The following SUPT20H variants were observed in gnomAD, a reference collection of about 807,000 sequenced individuals.
SUPT20H encodes transcription factor SPT20 homolog.
In SUPT20H, 82 loss-of-function variants were observed where a neutral mutation model predicts 122.8. The ratio of observed to expected loss-of-function variants is 0.67; its 90% CI spans 0.56 to 0.80. The LOEUF is 0.80. SUPT20H is among the 30% of genes least tolerant of loss of function. SUPT20H has a pLI of 0.00. For missense variants in SUPT20H, 831 were observed against 921.6 expected, an observed-to-expected ratio of 0.90 and a Z score of 1.27; for synonymous variants, 291 against 313.0, an observed-to-expected ratio of 0.93 and a Z score of 0.74.
intron 23 of SUPT20H, chr13:37,013,214 T>A (rs1040644588): frequency 1.3e-5 from 2 of 152,042 alleles, no homozygotes; most frequent in African/African-American, 4.8e-5. Context: ...GACACTACAA[T>A]GAACAAGACA....
At chr13:37,040,189 A>G in intron 9 of SUPT20H, 1 of 435,456 alleles carries the variant, frequency 2.3e-6, no homozygotes, top group Middle Eastern at 6.1e-4. Context: ...ATATTAGGCC[A>G]GCTTGACCTT....
chr13:37,019,714 A>G (rs2061165388), intron 21 of SUPT20H, among the ~76,000 whole-genome samples: 1 of 152,208 alleles, frequency 6.6e-6, no homozygotes, highest in Admixed American at 6.5e-5. Context: ...GAATATAACA[A>G]AACTATCACT....
chr13:37,024,915 T>C (rs561446335), intron 17 of SUPT20H: 2 of 175,926 alleles, frequency 1.1e-5, no homozygotes, highest in African/African-American at 4.8e-5. Context: ...GAAACAAAAC[T>C]AAACTGTACC....
chr13:37,035,816 C>G (rs1279724696), intron 9 of SUPT20H, among the ~76,000 whole-genome samples: 1 of 152,176 alleles, frequency 6.6e-6, no homozygotes, highest in African/African-American at 2.4e-5. Context: ...CAGGCACAAG[C>G]CATGGCACCT....
At chr13:37,058,959 A>C (rs2069929979) in intron 1 of SUPT20H, among the ~76,000 whole-genome samples, 1 of 152,134 alleles carries the variant, frequency 6.6e-6, no homozygotes, top group African/African-American at 2.4e-5. Context: ...CCTACTAGAG[A>C]CTTTGATGAA....
intron 9 of SUPT20H, among the ~76,000 whole-genome samples, chr13:37,036,069 C>T (rs1265738272): frequency 6.6e-6 from 1 of 152,180 alleles, no homozygotes; most frequent in African/African-American, 2.4e-5. Context: ...TTTCAAAAAA[C>T]TGCCACTGCC....
intron 14 of SUPT20H, among the ~76,000 whole-genome samples, chr13:37,027,719 AG>A (rs1055198398): frequency 5.9e-5 from 9 of 152,168 alleles, no homozygotes; most frequent in African/African-American, 2.2e-4. Flanking sequence ...ATTAATATGT[AG>A]GGCCAATAAC....
chr13:37,013,309 C>A (rs1195114698), intron 23 of SUPT20H: 1 of 152,010 alleles, frequency 6.6e-6, no homozygotes, highest in East Asian at 1.9e-4. Flanking sequence ...ATAGACCCAA[C>A]TGACTTTTAA....
At position 37,047,729 on chromosome 13, in the gene SUPT20H, G is replaced by A; in HGVS notation, c.99-128C>T. 11 of 1,193,430 alleles carry A rather than the reference G, an allele frequency of 9.2e-6. No homozygotes were observed. In the South Asian group the frequency reaches 2.1e-4, roughly 22 times the overall value. The allele number at this position is 1,193,430 out of a possible 1,614,324, so 73.9% of individuals were successfully genotyped here. A position where few individuals can be genotyped will look rare whatever the true frequency, so the allele number is the denominator to read the frequency against. On this transcript the variant is annotated intron_variant, in intron 4 of 25. Coordinates refer to ENST00000350612, the MANE Select transcript of SUPT20H (RefSeq NM_001014286.3). ...ATTTCCCAAAAACTGGGGTGGAGCT[G>A]AATATAGTAGCTAACATCAACTTAG...
chr13:37,039,170 A>G (rs530221826), intron 9 of SUPT20H: 1 of 152,328 alleles, frequency 6.6e-6, no homozygotes, highest in Admixed American at 6.5e-5. Flanking sequence ...AGGCCTCTCA[A>G]CTGGTTCAGC....
chr13:37,022,656 T>A lies in SUPT20H; in HGVS notation c.1592-576A>T. The A allele has an allele frequency of 9.8e-7, 1 of 1,019,612 alleles. No homozygotes were observed. Among genetic ancestry groups the A allele is most frequent in the Non-Finnish European group, 1.2e-6 (1 of 852,000 alleles). The allele number at this position is 1,019,612 out of a possible 1,614,324, so 63.2% of individuals were successfully genotyped here. Reference sequence around the variant, plus strand: ...TCAAAACGAATTCAAATTAATTTGTTATTTACGATTTCACTAATTCAAGAC... The same window carrying A: ...TCAAAACGAATTCAAATTAATTTGTAATTTACGATTTCACTAATTCAAGAC... On this transcript the variant is annotated intron_variant, in intron 19 of 25. Transcript: ENST00000350612. This position sits in a 1 kb window ranked among gnomAD's most constrained non-coding sequence, Gnocchi z 4.5.
intron 23 of SUPT20H, chr13:37,013,377 GTTT>G (rs1322587214): frequency 6.6e-6 from 1 of 151,744 alleles, no homozygotes; most frequent in African/African-American, 2.4e-5. Flanking sequence ...CTTTGTTGTT[GTTT>G]TCTTTTTTTT....
At chr13:37,025,024 C>T (rs2062001007) in intron 17 of SUPT20H, 1 of 322,164 alleles carries the variant, frequency 3.1e-6, no homozygotes, top group African/African-American at 2.2e-5. Context: ...TCACTGAAAC[C>T]TCCACCTCCG....
intron 14 of SUPT20H, among the ~76,000 whole-genome samples, chr13:37,027,733 C>T (rs1007924236): frequency 2.0e-5 from 3 of 152,078 alleles, no homozygotes; most frequent in African/African-American, 7.2e-5. Context: ...CCAATAACTA[C>T]AATAAGCATT....
At chr13:37,028,070 G>A (rs2062630468) in intron 14 of SUPT20H, 78 bp downstream of exon 14, 2 of 1,296,614 alleles carry the variant, frequency 1.5e-6, no homozygotes, top group Non-Finnish European at 2.0e-6. Flanking sequence ...ATTCATTAAT[G>A]GTTCATCAGT....
intron 25 of SUPT20H, 112 bp downstream of exon 25, chr13:37,010,440 A>G: frequency 6.7e-6 from 6 of 895,458 alleles, no homozygotes; most frequent in Non-Finnish European, 1.0e-5. Flanking sequence ...TTATTTACCA[A>G]TTACTGTACA....
chr13:37,059,522 G>C (rs1431208099), intron 1 of SUPT20H, 37 bp downstream of exon 1: 1 of 152,442 alleles, frequency 6.6e-6, no homozygotes, highest in Non-Finnish European at 1.5e-5. Context: ...CCACCGCGTT[G>C]CCAGTCGCTG....
At chr13:37,053,411 A>G (rs2068177652) in intron 1 of SUPT20H, among the ~76,000 whole-genome samples, 1 of 152,084 alleles carries the variant, frequency 6.6e-6, no homozygotes, top group African/African-American at 2.4e-5. Flanking sequence ...TCCTCAGCAA[A>G]CTAACACAGG....
At chr13:37,027,566 T>C (rs2062529833) in intron 14 of SUPT20H, among the ~76,000 whole-genome samples, 1 of 152,142 alleles carries the variant, frequency 6.6e-6, no homozygotes, top group Non-Finnish European at 1.5e-5. Context: ...AGCTTCTTTT[T>C]TGTTTTCAAA....
Sources: allele counts gnomAD v4.1 joint callset (sites outside exome capture counted in the v4.1 genomes callset), GRCh38; gene constraint gnomAD v4.1.1; non-coding constraint Gnocchi (gnomAD v3.1); transcripts MANE v1.5; gene names NCBI Gene and HGNC (gene_info 2026-07-23, HGNC 2026-07-21).